HSPBP1: variants seen among roughly 807,000 people sequenced by gnomAD.
HSPBP1 encodes HSPA (Hsp70) binding protein 1.
In HSPBP1, 31 loss-of-function variants were observed where a neutral mutation model predicts 41.7. That is an observed-to-expected ratio of 0.74 (90% confidence interval 0.56 to 1.00). The LOEUF is 1.00. HSPBP1 is among the 50% of genes least tolerant of loss of function. HSPBP1 has a pLI of 0.00. For missense variants in HSPBP1, 439 were observed against 487.9 expected (o/e 0.90, Z 0.94); for synonymous variants, 199 against 214.4 (o/e 0.93, Z 0.63).
intron 3 of HSPBP1, among the ~76,000 whole-genome samples, chr19:55,274,845 C>G (rs1393807414): frequency 6.6e-6 from 1 of 152,150 alleles, no homozygotes; most frequent in Non-Finnish European, 1.5e-5. Flanking sequence ...ACACAGACAC[C>G]CACAGAGGGA....
chr19:55,266,038 C>G, intron 5 of HSPBP1, 56 bp from the exon 6 acceptor site: 1 of 1,559,398 alleles, frequency 6.4e-7, no homozygotes, highest in South Asian at 1.2e-5. Context: ...CCTATGCCCT[C>G]CCCGGGATGC....
intron 3 of HSPBP1, 74 bp from the exon 4 acceptor site, chr19:55,274,696 A>G: frequency 8.1e-7 from 1 of 1,241,834 alleles, no homozygotes; most frequent in South Asian, 1.3e-5. Flanking sequence ...GCATGGGTTG[A>G]TGTTCTGACC....
At position 55,262,522 on chromosome 19, in the gene HSPBP1, A is replaced by T; in HGVS notation, c.*86T>A. The T allele has an allele frequency of 6.4e-7, 1 of 1,569,924 alleles. No individual in the cohort carries two copies. Among genetic ancestry groups the T allele is most frequent in the Non-Finnish European group, 8.6e-7 (1 of 1,157,126 alleles). On this transcript the variant is annotated 3_prime_UTR_variant, in exon 8 of 8. Transcript: ENST00000433386. ...TGGGTCCAGGCACCTAGGCCCTGCGATCCCTTGGGAGAGGGCCTTGTAGGT... is the reference window on the plus strand; with the variant it reads ...TGGGTCCAGGCACCTAGGCCCTGCGTTCCCTTGGGAGAGGGCCTTGTAGGT...
intron 4 of HSPBP1, among the ~76,000 whole-genome samples, chr19:55,274,170 G>C (rs1600147757): frequency 6.6e-6 from 1 of 152,162 alleles, no homozygotes. Flanking sequence ...CTGAGGGCCA[G>C]GTGGTCTCCC....
At position 55,265,820 on chromosome 19, in the gene HSPBP1, G is replaced by A. The variant is rs932252190; in HGVS notation, c.893+66C>T. 5.5e-6 allele frequency: 6 copies of A among 1,084,742 alleles called. No homozygotes were observed. The African/African-American group carries it at 9.6e-5, about 17-fold the overall frequency. 67.2% of individuals were successfully genotyped at this position (1,084,742 alleles called of 1,614,324 possible). ...TGAGTCCCTACGGGCTGATTCCTGA[G>A]CCACCCCCACCTTGAGAGGACGGGG... On this transcript the variant is annotated intron_variant, in intron 6 of 7. Transcript: ENST00000433386.
In HSPBP1 at chr19:55,268,038, T is replaced by C. The variant is rs1192641975; in HGVS notation, c.641-1752A>G. ...TTGTGGCCACTAAACACCTGATATG[T>C]GGCCAGTGCAACTAAGGAAAAGAGT... On this transcript the variant is annotated intron_variant, in intron 4 of 7. Coordinates refer to ENST00000433386, the MANE Select transcript of HSPBP1 (RefSeq NM_012267.5). This position sits in a 1 kb window ranked among gnomAD's most constrained non-coding sequence, Gnocchi z 4.5. Among the ~76,000 whole-genome samples the C allele has an allele frequency of 1.3e-5, 2 of 152,260 alleles. No individual in the cohort carries two copies. Among genetic ancestry groups the C allele is most frequent in the African/African-American group, 4.8e-5 (2 of 41,472 alleles).
At position 55,274,557 on chromosome 19, in the gene HSPBP1, G is replaced by A. The variant is rs1435817146; in HGVS notation, c.481C>T (p.Leu161=). 1.2e-6 allele frequency: 2 copies of A among 1,609,086 alleles called. No homozygotes were observed. The highest frequency in any genetic ancestry group is 1.1e-5 in the South Asian group (1 of 90,984). The change falls in exon 4 of 8, where the codon CTG becomes TTG. Residue 161 remains leucine (L), a synonymous_variant. Transcript: ENST00000433386. ...ATGAGCTGTGCCGCCCGCCACCGCAGTCCCGCAGCCCCCGCCTCCAGGTAC... is the reference window on the plus strand; with the variant it reads ...ATGAGCTGTGCCGCCCGCCACCGCAATCCCGCAGCCCCCGCCTCCAGGTAC... ...GRYLEAGAAG[L]RWRAAQLIGT...
intron 7 of HSPBP1, among the ~76,000 whole-genome samples, chr19:55,263,488 T>C (rs988909043): frequency 6.6e-6 from 1 of 152,204 alleles, no homozygotes; most frequent in Admixed American, 6.5e-5. Context: ...ATTTCCCTTC[T>C]AGAAATTGTT....
At chr19:55,262,836 T>A (rs1339828509) in intron 7 of HSPBP1, among the ~76,000 whole-genome samples, 154 bp from the exon 8 acceptor site, 1 of 152,118 alleles carries the variant, frequency 6.6e-6, no homozygotes, top group African/African-American at 2.4e-5. Flanking sequence ...ACTGCTCAGA[T>A]CCATGATTCA....
At chr19:55,263,449 C>T (rs2087696864) in intron 7 of HSPBP1, among the ~76,000 whole-genome samples, 1 of 152,300 alleles carries the variant, frequency 6.6e-6, no homozygotes, top group Non-Finnish European at 1.5e-5. Context: ...ACCCTTTAAC[C>T]TTCACCTTTA....
At chr19:55,265,451 T>C in intron 6 of HSPBP1, 62 bp from the exon 7 acceptor site, 1 of 1,253,210 alleles carries the variant, frequency 8.0e-7, no homozygotes, top group Non-Finnish European at 1.2e-6. Flanking sequence ...GACCCAACCC[T>C]ATCGCCCGCC....
Position 55,279,509 on chromosome 19 carries a change from C to A in HSPBP1, c.100G>T (p.Gly34Trp), listed in dbSNP as rs1381994848. The A allele has an allele frequency of 7.7e-7, 1 of 1,290,784 alleles. No individual in the cohort carries two copies. The highest frequency in any genetic ancestry group is 1.1e-6 in the Non-Finnish European group (1 of 934,418). 80.0% of individuals were successfully genotyped at this position (1,290,784 alleles called of 1,614,324 possible). The change falls in exon 2 of 8, where the codon GGG (glycine) becomes TGG (tryptophan). Residue 34 changes from glycine to tryptophan, a missense_variant. Physicochemically the swap from Gly to Trp is radical, Grantham distance 184. Transcript: ENST00000433386. ...SGGGGGGSSA[G>W]GSGNSRPPRN... Reference sequence around the variant, plus strand: ...GGGGGCCGGGAATTGCCCGAGCCCCCAGCCGAGGAGCCGCCGCCGCCGCCC... The same window carrying A: ...GGGGGCCGGGAATTGCCCGAGCCCCAAGCCGAGGAGCCGCCGCCGCCGCCC...
chr19:55,263,967 CTT>C (rs201171002), intron 7 of HSPBP1, among the ~76,000 whole-genome samples: 4 of 130,454 alleles, frequency 3.1e-5, no homozygotes, highest in Non-Finnish European at 3.2e-5. Flanking sequence ...ATGTAGTACA[CTT>C]TTTTTTTTTT....
In HSPBP1 at chr19:55,265,940, A is replaced by G; in HGVS notation, c.839T>C (p.Leu280Pro). Residue 280 changes from leucine to proline, a missense_variant, in exon 6 of 8, where the codon CTG becomes CCG. Leu to Pro is a moderately conservative substitution (Grantham distance 98). Coordinates refer to ENST00000433386, the MANE Select transcript of HSPBP1 (RefSeq NM_012267.5). ...SMGMVQQLVALVRTEHSPFHE... is the reference protein window; with the variant it reads ...SMGMVQQLVAPVRTEHSPFHE... ...GAAGGGGCTGTGCTCTGTCCGCACC[A>G]GGGCCACCAGCTGCTGGACCATCCC... 6.2e-7 allele frequency: 1 copy of G among 1,607,868 alleles called. No homozygotes were observed.
intron 7 of HSPBP1, among the ~76,000 whole-genome samples, chr19:55,263,072 AAAAAG>A (rs2087688115): frequency 6.6e-6 from 1 of 152,240 alleles, no homozygotes; most frequent in Non-Finnish European, 1.5e-5. Flanking sequence ...GCAAAAAAAG[AAAAAG>A]AAAACGAGGT....
At chr19:55,269,653 A>C (rs1361418197) in intron 4 of HSPBP1, among the ~76,000 whole-genome samples, 1 of 152,226 alleles carries the variant, frequency 6.6e-6, no homozygotes, top group Admixed American at 6.5e-5. Flanking sequence ...CATGGTTCCA[A>C]GCATATGACA....
chr19:55,273,656 G>A (rs1257298282), intron 4 of HSPBP1, among the ~76,000 whole-genome samples: 5 of 152,178 alleles, frequency 3.3e-5, no homozygotes, highest in African/African-American at 7.2e-5. Flanking sequence ...GTATTTGGGG[G>A]AGTCCTGGCC....
In HSPBP1 at chr19:55,274,447, G is replaced by A; in HGVS notation, c.591C>T (p.Asp197=). ...GALRKLLRLL[D]RDACDTVRVK... Reference sequence around the variant, plus strand: ...CGCGCACCGTGTCGCAGGCGTCGCGGTCCAGCAGCCGCAGCAGCTTACGCA... The same window carrying A: ...CGCGCACCGTGTCGCAGGCGTCGCGATCCAGCAGCCGCAGCAGCTTACGCA... Residue 197 remains aspartate (D), a synonymous_variant, in exon 4 of 8, where the codon GAC becomes GAT. Transcript: ENST00000433386. The A allele has an allele frequency of 6.3e-7, 1 of 1,587,336 alleles. No homozygotes were observed. Among genetic ancestry groups the A allele is most frequent in the Non-Finnish European group, 8.5e-7 (1 of 1,171,434 alleles).
intron 7 of HSPBP1, 127 bp downstream of exon 7, chr19:55,265,151 T>TC: frequency 1.9e-4 from 55 of 286,828 alleles, no homozygotes; most frequent in Middle Eastern, 1.4e-3. Flanking sequence ...GGAGCCCCTG[T>TC]CCCCTCCCCC....
Sources: gnomAD v4.1 joint callset for allele counts (sites outside exome capture counted in the v4.1 genomes callset) on GRCh38, gnomAD v4.1.1 for gene constraint, Gnocchi (gnomAD v3.1) non-coding constraint, MANE v1.5 for transcripts, NCBI Gene and HGNC (gene_info 2026-07-23, HGNC 2026-07-21) for gene names.